TLK2: variants seen among roughly 807,000 people sequenced by gnomAD.
TLK2 encodes the protein serine/threonine-protein kinase tousled-like 2.
TLK2 carries 6 observed loss-of-function variants against 117.3 expected under a neutral mutation model. That is an observed-to-expected ratio of 0.05 (90% CI 0.03 to 0.10). The LOEUF (loss-of-function observed/expected upper bound fraction) is 0.10. TLK2 is among the 10% of genes least tolerant of loss of function. The probability of loss-of-function intolerance (pLI) is 1.00; values close to 1 mark genes in which losing one functional copy is unlikely to be tolerated. For missense variants in TLK2, 299 were observed against 901.2 expected (o/e 0.33, Z 8.56); for synonymous variants, 257 against 316.7 (o/e 0.81, Z 2.00).
Position 62,523,919 on chromosome 17 carries a change from T to G in TLK2, c.268-317T>G, listed in dbSNP as rs561907367. Among the ~76,000 whole-genome samples, 22 of 152,382 alleles carry G rather than the reference T, an allele frequency of 1.4e-4. No homozygotes were observed. In the South Asian group the frequency reaches 4.3e-3, roughly 30 times the overall value. ...AAGACACTAACATCCACTGCACCAC[T>G]GCATTTCTGCTTCGTGTATTTGGAG... On this transcript the variant is annotated intron_variant, in intron 5 of 21. Transcript: ENST00000346027.
intron 2 of TLK2, among the ~76,000 whole-genome samples, chr17:62,485,118 G>C (rs925347114): frequency 1.1e-4 from 16 of 152,146 alleles, no homozygotes; most frequent in African/African-American, 2.9e-4. Context: ...AGCCCCTGCA[G>C]CTCCAAATAA....
At chr17:62,549,418 A>AAAAAAAAAAAAAAAAAAAAAAAAAAAAG (rs1598512121) in intron 7 of TLK2, among the ~76,000 whole-genome samples, 4 of 8,536 alleles carry the variant, frequency 4.7e-4, no homozygotes, top group Non-Finnish European at 1.8e-3. Flanking sequence ...AAAAAAAAAA[A>AAAAAAAAAAAAAAAAAAAAAAAAAAAAG]AAAAAAAAAA....
intron 7 of TLK2, among the ~76,000 whole-genome samples, chr17:62,548,741 A>G (rs1007389523): frequency 6.7e-6 from 1 of 150,092 alleles, no homozygotes; most frequent in African/African-American, 2.5e-5. Context: ...TCTTTTTTTT[A>G]TTTTTTATTT....
intron 7 of TLK2, among the ~76,000 whole-genome samples, chr17:62,541,505 C>G (rs1450056607): frequency 6.6e-6 from 1 of 152,154 alleles, no homozygotes. Flanking sequence ...TGAAAGATTT[C>G]TAAATATGTG....
intron 7 of TLK2, among the ~76,000 whole-genome samples, chr17:62,544,433 TCA>T (rs2077757362): frequency 6.6e-6 from 1 of 152,130 alleles, no homozygotes; most frequent in Non-Finnish European, 1.5e-5. Context: ...TCGTGAGAAC[TCA>T]CTCACTATCA....
chr17:62,605,281 C>T (rs910390143), intron 19 of TLK2, among the ~76,000 whole-genome samples: 3 of 152,116 alleles, frequency 2.0e-5, no homozygotes, highest in Non-Finnish European at 2.9e-5. Context: ...GAGCCGAGAT[C>T]GTGAGTGAAG....
intron 19 of TLK2, among the ~76,000 whole-genome samples, chr17:62,603,466 C>T (rs1568008613): frequency 6.6e-6 from 1 of 151,986 alleles, no homozygotes; most frequent in Non-Finnish European, 1.5e-5. Context: ...ATTCTAGAAA[C>T]AGGTCTATAC....
intron 6 of TLK2, 108 bp from the exon 7 acceptor site, chr17:62,536,062 A>G: frequency 7.6e-7 from 1 of 1,322,658 alleles, no homozygotes; most frequent in Non-Finnish European, 1.0e-6. Context: ...GCCTTTTTAA[A>G]TAAACCATTC....
intron 2 of TLK2, among the ~76,000 whole-genome samples, chr17:62,493,369 A>G (rs564715072): frequency 6.6e-6 from 1 of 152,212 alleles, no homozygotes; most frequent in South Asian, 2.1e-4. Flanking sequence ...TTGTTTATTC[A>G]TTCATCTGTT....
intron 8 of TLK2, 105 bp downstream of exon 8, chr17:62,552,502 G>C: frequency 6.4e-7 from 1 of 1,551,566 alleles, no homozygotes. Flanking sequence ...GTATTTCTCT[G>C]ACCACCTCAT....
intron 2 of TLK2, among the ~76,000 whole-genome samples, chr17:62,513,734 G>C (rs1287292663): frequency 6.6e-6 from 1 of 152,080 alleles, no homozygotes; most frequent in Non-Finnish European, 1.5e-5. Flanking sequence ...TGTCACCCAG[G>C]CTAGAGTACA....
intron 2 of TLK2, among the ~76,000 whole-genome samples, chr17:62,496,059 T>C (rs996968203): frequency 6.6e-6 from 1 of 152,158 alleles, no homozygotes; most frequent in African/African-American, 2.4e-5. Context: ...ATTTCTCCCT[T>C]ATCCACCTGG....
chr17:62,540,099 CTTTTTTT>C (rs571889873), intron 7 of TLK2, among the ~76,000 whole-genome samples: 5 of 125,110 alleles, frequency 4.0e-5, no homozygotes, highest in Non-Finnish European at 8.7e-5. Context: ...TCTTTCTTTT[CTTTTTTT>C]TTTTTTTTTT....
At chr17:62,612,269 C>T in intron 21 of TLK2, 123 bp from the exon 22 acceptor site, 1 of 1,078,072 alleles carries the variant, frequency 9.3e-7, no homozygotes, top group Non-Finnish European at 1.3e-6. Context: ...TGAGGAAGGC[C>T]TTAAGCCCCT....
At chr17:62,572,936 A>T in intron 11 of TLK2, 1 of 263,320 alleles carries the variant, frequency 3.8e-6, no homozygotes, top group Non-Finnish European at 7.2e-6. Context: ...GTTCCTTCTG[A>T]GTCAGAAAAT....
chr17:62,523,012 A>T (rs1235717815), intron 4 of TLK2, 122 bp from the exon 5 acceptor site: 1 of 1,081,050 alleles, frequency 9.3e-7, no homozygotes, highest in Non-Finnish European at 1.3e-6. Context: ...CATTTGTTAC[A>T]AGTAAAGCTG....
At chr17:62,558,553 A>C (rs925596557) in intron 9 of TLK2, among the ~76,000 whole-genome samples, 1 of 152,242 alleles carries the variant, frequency 6.6e-6, no homozygotes, top group African/African-American at 2.4e-5. Context: ...AATAACTGCC[A>C]AGAGGTTGAT....
chr17:62,540,036 C>A (rs570092462), intron 7 of TLK2, among the ~76,000 whole-genome samples: 1 of 151,044 alleles, frequency 6.6e-6, no homozygotes, highest in South Asian at 2.1e-4. Flanking sequence ...CTTTCTCCTC[C>A]TCCTCCTCCT....
Position 62,603,182 on chromosome 17 carries a change from G to A in TLK2, c.1859+1002G>A, listed in dbSNP as rs138412043. Among the ~76,000 whole-genome samples, 7 of 152,280 alleles carry A rather than the reference G, an allele frequency of 4.6e-5. No individual in the cohort carries two copies. The East Asian group carries it at 1.2e-3, about 25-fold the overall frequency. ...TGACTGTCTGGGAATCAGAGGTAGAGGAGGAAGCAGAGGGGCATGGCGTTC... is the reference window on the plus strand; with the variant it reads ...TGACTGTCTGGGAATCAGAGGTAGAAGAGGAAGCAGAGGGGCATGGCGTTC... On this transcript the variant is annotated intron_variant, in intron 19 of 21. Coordinates refer to ENST00000346027, the MANE Select transcript of TLK2 (RefSeq NM_006852.6).
Sources: gnomAD v4.1 joint callset for allele counts (sites outside exome capture counted in the v4.1 genomes callset) on GRCh38, gnomAD v4.1.1 for gene constraint, MANE v1.5 for transcripts, NCBI Gene and HGNC (gene_info 2026-07-23, HGNC 2026-07-21) for gene names.